Variants in GNPTAB observed in about 807,000 individuals in gnomAD.
GNPTAB encodes the protein N-acetylglucosamine-1-phosphotransferase subunits alpha/beta.
Under a neutral mutation model 136.6 loss-of-function variants are expected in GNPTAB, and 92 were observed. That is an observed-to-expected ratio of 0.67 (90% CI 0.57 to 0.80). The LOEUF is 0.80. GNPTAB is among the 30% of genes least tolerant of loss of function. GNPTAB has a pLI of 0.00. For synonymous variants in GNPTAB, 512 were observed against 535.1 expected (o/e 0.96, Z 0.60); for missense variants, 1,343 against 1,501.8 (o/e 0.89, Z 1.75).
At chr12:101,813,810 G>A (rs1370388257) in intron 1 of GNPTAB, among the ~76,000 whole-genome samples, 1 of 152,108 alleles carries the variant, frequency 6.6e-6, no homozygotes, top group East Asian at 1.9e-4. Context: ...GCCGGGCATG[G>A]TGGCTCACGC....
At chr12:101,830,009 A>AAC (rs1339759807) in intron 1 of GNPTAB, among the ~76,000 whole-genome samples, 1 of 150,028 alleles carries the variant, frequency 6.7e-6, no homozygotes, top group East Asian at 1.9e-4. Context: ...CCTACCAAAA[A>AAC]AAAAAAAAAA....
chr12:101,813,596 C>T (rs1016473654), intron 1 of GNPTAB, among the ~76,000 whole-genome samples: 19 of 152,142 alleles, frequency 1.2e-4, no homozygotes, highest in African/African-American at 4.3e-4. Context: ...TTTGTATTTG[C>T]GTGATAGAGA....
At chr12:101,806,149 G>A (rs1332834403) in intron 1 of GNPTAB, among the ~76,000 whole-genome samples, 3 of 151,990 alleles carry the variant, frequency 2.0e-5, no homozygotes, top group Non-Finnish European at 4.4e-5. Context: ...AGTAGTCAAG[G>A]GATAAAGTGT....
intron 16 of GNPTAB, among the ~76,000 whole-genome samples, chr12:101,757,955 CTTCTG>C (rs1451686474): frequency 2.6e-5 from 4 of 152,056 alleles, no homozygotes; most frequent in South Asian, 2.1e-4. Context: ...ACGAGCTGCT[CTTCTG>C]TTATCAGCCT....
intron 2 of GNPTAB, among the ~76,000 whole-genome samples, chr12:101,790,602 CA>C (rs1206089988): frequency 6.6e-6 from 1 of 151,986 alleles, no homozygotes; most frequent in African/African-American, 2.4e-5. Context: ...CCTGTCTCTA[CA>C]AAAAATTTTT....
chr12:101,825,443 G>C (rs377375511), intron 1 of GNPTAB, among the ~76,000 whole-genome samples: 1 of 152,150 alleles, frequency 6.6e-6, no homozygotes, highest in East Asian at 1.9e-4. Flanking sequence ...ACCTTTACTT[G>C]AAATAAATTT....
chr12:101,816,091 A>T (rs1156989103), intron 1 of GNPTAB, among the ~76,000 whole-genome samples: 1 of 152,202 alleles, frequency 6.6e-6, no homozygotes, highest in African/African-American at 2.4e-5. Flanking sequence ...ACTTGAAACT[A>T]CTAGAAGAAA....
intron 12 of GNPTAB, chr12:101,765,825 C>A: frequency 2.3e-6 from 1 of 439,900 alleles, no homozygotes. Context: ...CAAATTAAAA[C>A]TTCACCACAT....
chr12:101,779,032 G>A (rs1169117699), intron 7 of GNPTAB: 3 of 151,302 alleles, frequency 2.0e-5, no homozygotes, highest in Non-Finnish European at 4.4e-5. Flanking sequence ...GTCTGGGGTA[G>A]GGAGAAACAA....
In GNPTAB at chr12:101,769,022, G is replaced by A. The variant is rs114346425; in HGVS notation, c.1285-862C>T. ...TGATACAGAGGAGACAACTCAATAG[G>A]GGAACAGGAGAATGGGCCTGGTTGG... On this transcript the variant is annotated intron_variant, in intron 10 of 20. Transcript: ENST00000299314. Among the ~76,000 whole-genome samples the A allele has an allele frequency of 3.5e-3, 534 of 152,276 alleles. 3 individuals are homozygous for A. The highest frequency in any genetic ancestry group is 0.012 in the African/African-American group (513 of 41,542).
At chr12:101,789,873 C>T in intron 3 of GNPTAB, 65 bp downstream of exon 3, 1 of 1,427,334 alleles carries the variant, frequency 7.0e-7, no homozygotes, top group Non-Finnish European at 9.9e-7. Context: ...GTGAGATGTG[C>T]CACCCTCAGA....
chr12:101,815,838 T>C (rs1870490609), intron 1 of GNPTAB, among the ~76,000 whole-genome samples: 1 of 152,148 alleles, frequency 6.6e-6, no homozygotes, highest in African/African-American at 2.4e-5. Context: ...ATGGTGCTGG[T>C]ATAAAACAGT....
intron 2 of GNPTAB, among the ~76,000 whole-genome samples, chr12:101,792,014 A>G (rs1224024555): frequency 1.3e-5 from 2 of 152,238 alleles, no homozygotes; most frequent in East Asian, 1.9e-4. Flanking sequence ...AGTAAATCAA[A>G]TAAATAAAGT....
chr12:101,801,231 CAAAAAA>C (rs35036983), intron 1 of GNPTAB, among the ~76,000 whole-genome samples: 13 of 12,754 alleles, frequency 1.0e-3, no homozygotes, highest in South Asian at 5.1e-3. Context: ...GACCCTGTCT[CAAAAAA>C]AAAAAAAAAA....
chr12:101,774,314 A>C (rs1953227417), intron 7 of GNPTAB, among the ~76,000 whole-genome samples: 1 of 152,252 alleles, frequency 6.6e-6, no homozygotes, highest in African/African-American at 2.4e-5. Context: ...ATATTTCTAA[A>C]GACAACAAGC....
chr12:101,762,351 A>G (rs983180433), intron 13 of GNPTAB, among the ~76,000 whole-genome samples: 1 of 151,620 alleles, frequency 6.6e-6, no homozygotes, highest in Non-Finnish European at 1.5e-5. Flanking sequence ...AAGGAGACTG[A>G]TATTAACTGG....
intron 7 of GNPTAB, chr12:101,779,872 G>C: frequency 2.2e-6 from 1 of 454,248 alleles, no homozygotes; most frequent in Non-Finnish European, 4.0e-6. Context: ...AAGCTAAGCA[G>C]GGTTGGGCCT....
Position 101,806,023 on chromosome 12 carries a change from G to A in GNPTAB, c.118-9261C>T, listed in dbSNP as rs11111037. Reference sequence around the variant, plus strand: ...TAAAAAATCACATTTTCAAACAATCGTTTAAAACATAGTAACTTAATTTTC... The same window carrying A: ...TAAAAAATCACATTTTCAAACAATCATTTAAAACATAGTAACTTAATTTTC... On this transcript the variant is annotated intron_variant, in intron 1 of 20. Coordinates refer to ENST00000299314, the MANE Select transcript of GNPTAB (RefSeq NM_024312.5). 0.022 allele frequency among the ~76,000 whole-genome samples: 3,407 copies of A among 152,020 alleles called. 347 individuals are homozygous for A. The East Asian group carries it at 0.31, about 14-fold the overall frequency.
At chr12:101,761,085 C>T (rs1393470060) in intron 15 of GNPTAB, 42 bp downstream of exon 15, 1 of 1,424,360 alleles carries the variant, frequency 7.0e-7, no homozygotes, top group African/African-American at 1.4e-5. Context: ...ATTAAATTCT[C>T]ATTTAAAACA....
Sources: gnomAD v4.1 joint callset for allele counts (sites outside exome capture counted in the v4.1 genomes callset) on GRCh38, gnomAD v4.1.1 for gene constraint, MANE v1.5 for transcripts, NCBI Gene and HGNC (gene_info 2026-07-23, HGNC 2026-07-21) for gene names.